The following AGBL2 variants were observed in gnomAD, a reference collection of about 807,000 sequenced individuals.
The protein encoded by AGBL2 is AGBL carboxypeptidase 2.
Under a neutral mutation model 103.0 loss-of-function variants are expected in AGBL2, and 87 were observed. The observed-to-expected ratio is 0.84, with a 90% CI of 0.71 to 1.01. The LOEUF is 1.01. AGBL2 is among the 50% of genes least tolerant of loss of function. The probability of loss-of-function intolerance (pLI) is 0.00; values close to 1 mark genes in which losing one functional copy is unlikely to be tolerated. For missense variants in AGBL2, 904 were observed against 1,023.5 expected, an observed-to-expected ratio of 0.88 and a Z score of 1.59; for synonymous variants, 335 against 356.7, an observed-to-expected ratio of 0.94 and a Z score of 0.69.
chr11:47,674,067 G>T (rs1598924582), intron 14 of AGBL2, among the ~76,000 whole-genome samples: 1 of 152,052 alleles, frequency 6.6e-6, no homozygotes, highest in Non-Finnish European at 1.5e-5. Flanking sequence ...ACTCCAGCCT[G>T]GGCAAGAAGA....
rs148805493 is a variant in AGBL2 at position 47,674,765 on chromosome 11, C to T, written c.2147+2506G>A. 8.0e-3 allele frequency among the ~76,000 whole-genome samples: 1,211 copies of T among 151,708 alleles called. 16 individuals are homozygous for T. The highest frequency in any genetic ancestry group is 0.027 in the African/African-American group (1,136 of 41,382). ...TCATTCATTTTTTGAGATGGAGTTT[C>T]GCTCTTGTTGCCCAGGCTGGAGTGC... On this transcript the variant is annotated intron_variant, in intron 14 of 18. Coordinates refer to ENST00000525123, the MANE Select transcript of AGBL2 (RefSeq NM_024783.4).
At chr11:47,686,979 A>AAGGG (rs2097426239) in intron 10 of AGBL2, among the ~76,000 whole-genome samples, 1 of 80,688 alleles carries the variant, frequency 1.2e-5, no homozygotes, top group African/African-American at 4.8e-5. Flanking sequence ...AAAAAAAAAA[A>AAGGG]TGGTGGGGGG....
chr11:47,675,694 C>T (rs1044626320), intron 14 of AGBL2, among the ~76,000 whole-genome samples: 1 of 151,992 alleles, frequency 6.6e-6, no homozygotes, highest in Non-Finnish European at 1.5e-5. Context: ...CAGTCCCCAT[C>T]TAGTGTTAAG....
At chr11:47,709,251 G>A (rs2097530166) in intron 4 of AGBL2, among the ~76,000 whole-genome samples, 1 of 152,122 alleles carries the variant, frequency 6.6e-6, no homozygotes, top group African/African-American at 2.4e-5. Context: ...TTGATTGGAG[G>A]GGGCGGGGCA....
At chr11:47,661,461 T>C (rs2097327752) in intron 18 of AGBL2, among the ~76,000 whole-genome samples, 1 of 152,170 alleles carries the variant, frequency 6.6e-6, no homozygotes, top group South Asian at 2.1e-4. Flanking sequence ...GATTGGACTA[T>C]CAGTCTTGTC....
rs1449246189 is a variant in AGBL2 at position 47,714,640 on chromosome 11, G to T, written c.11C>A (p.Ala4Asp). MFP[A>D]LETHLKQTIP... Reference sequence around the variant, plus strand: ...GACCTGCTTTAGGTGCGTTTCCAAAGCTGGGAACATGTTACTTCTGGATGG... The same window carrying T: ...GACCTGCTTTAGGTGCGTTTCCAAATCTGGGAACATGTTACTTCTGGATGG... Residue 4 changes from alanine to aspartate, a missense_variant, in exon 2 of 19, where the codon GCT becomes GAT. Physicochemically the swap from Ala to Asp is moderately radical, Grantham distance 126 (BLOSUM62 -2). Coordinates refer to ENST00000525123, the MANE Select transcript of AGBL2 (RefSeq NM_024783.4). 6 of 1,613,752 alleles carry T rather than the reference G, an allele frequency of 3.7e-6. No individual in the cohort carries two copies. The highest frequency in any genetic ancestry group is 5.1e-6 in the Non-Finnish European group (6 of 1,179,996).
At chr11:47,696,176 ACT>A (rs1196976259) in intron 8 of AGBL2, among the ~76,000 whole-genome samples, 14 of 106,878 alleles carry the variant, frequency 1.3e-4, no homozygotes, top group East Asian at 2.8e-4. Flanking sequence ...AGTAAGTGAG[ACT>A]CTGTCTCAAA....
chr11:47,678,200 G>A (rs1460366254), intron 13 of AGBL2, among the ~76,000 whole-genome samples: 3 of 151,800 alleles, frequency 2.0e-5, no homozygotes, highest in South Asian at 2.1e-4. Context: ...CTGACCTCGT[G>A]ATCTGCCCGC....
chr11:47,709,415 TGTTTG>T (rs1284249686), intron 4 of AGBL2, among the ~76,000 whole-genome samples: 1 of 151,838 alleles, frequency 6.6e-6, no homozygotes, highest in Non-Finnish European at 1.5e-5. Flanking sequence ...GGTGGATCAG[TGTTTG>T]GTTTGAGGGA....
intron 15 of AGBL2, 111 bp downstream of exon 15, chr11:47,668,730 T>C (rs1410639435): frequency 1.3e-6 from 1 of 783,848 alleles, no homozygotes; most frequent in Non-Finnish European, 2.2e-6. Context: ...AGGACATTAC[T>C]GTATATTTTC....
intron 14 of AGBL2, among the ~76,000 whole-genome samples, chr11:47,669,854 TC>T (rs1347037165): frequency 6.6e-6 from 1 of 152,034 alleles, no homozygotes; most frequent in Non-Finnish European, 1.5e-5. Context: ...TTCATGATCC[TC>T]CCGCCTCGGC....
intron 18 of AGBL2, among the ~76,000 whole-genome samples, chr11:47,661,594 A>C (rs1265837369): frequency 6.6e-6 from 1 of 152,172 alleles, no homozygotes; most frequent in South Asian, 2.1e-4. Flanking sequence ...TTGGGAAGAC[A>C]GCAGGGACTC....
At chr11:47,710,817 G>T in intron 3 of AGBL2, 1 of 478,794 alleles carries the variant, frequency 2.1e-6, no homozygotes, top group Non-Finnish European at 4.1e-6. Context: ...TTGGAACTCA[G>T]AAAATGATAG....
chr11:47,710,331 C>A, intron 4 of AGBL2, 46 bp downstream of exon 4: 1 of 1,612,722 alleles, frequency 6.2e-7, no homozygotes, highest in Non-Finnish European at 8.5e-7. Flanking sequence ...AGAGGAGTTA[C>A]TAGGCAATGA....
intron 4 of AGBL2, among the ~76,000 whole-genome samples, chr11:47,707,490 C>A (rs1364232769): frequency 6.6e-6 from 1 of 152,152 alleles, no homozygotes; most frequent in Non-Finnish European, 1.5e-5. Flanking sequence ...GAAACTCCCC[C>A]TTATAGAACT....
At chr11:47,691,407 A>C (rs1002943045) in intron 9 of AGBL2, among the ~76,000 whole-genome samples, 1 of 151,584 alleles carries the variant, frequency 6.6e-6, no homozygotes, top group Non-Finnish European at 1.5e-5. Context: ...ATCAATTTTT[A>C]TTTTAAAAAT....
chr11:47,714,665 G>C lies in AGBL2; in HGVS notation c.-15C>G. The stretch of plus-strand genomic sequence containing the variant: ...GCTGGGAACATGTTACTTCTGGATG[G>C]TAGGCTGAAAACTAGTCAGTGACAT... On this transcript the variant is annotated 5_prime_UTR_variant, in exon 2 of 19. Coordinates refer to ENST00000525123, the MANE Select transcript of AGBL2 (RefSeq NM_024783.4). 1.2e-6 allele frequency: 2 copies of C among 1,613,762 alleles called. No individual in the cohort carries two copies. Among genetic ancestry groups the C allele is most frequent in the South Asian group, 1.1e-5 (1 of 91,056 alleles).
At chr11:47,675,847 A>C (rs1185359434) in intron 14 of AGBL2, among the ~76,000 whole-genome samples, 1 of 152,008 alleles carries the variant, frequency 6.6e-6, no homozygotes. Flanking sequence ...CTCTACAAAA[A>C]ACACAAAAAT....
chr11:47,707,021 T>A, intron 4 of AGBL2, among the ~76,000 whole-genome samples: 1 of 95,406 alleles, frequency 1.0e-5, no homozygotes, highest in Non-Finnish European at 2.1e-5. Context: ...ACCCTGTCTC[T>A]ACTAAAAAAA....
Sources: allele counts gnomAD v4.1 joint callset (sites outside exome capture counted in the v4.1 genomes callset), GRCh38; gene constraint gnomAD v4.1.1; transcripts MANE v1.5; gene names NCBI Gene and HGNC (gene_info 2026-07-23, HGNC 2026-07-21).